Variants in EEFSEC observed in about 807,000 individuals in gnomAD.
EEFSEC encodes eukaryotic elongation factor, selenocysteine-tRNA specific, also known as selenocysteine-specific elongation factor.
In EEFSEC, 43 loss-of-function variants were observed where a neutral mutation model predicts 42.1. The ratio of observed to expected loss-of-function variants is 1.02; its 90% CI spans 0.80 to 1.32. EEFSEC has a LOEUF of 1.32. Among genes scored for constraint, EEFSEC ranks in the 40% most tolerant of loss-of-function variants. The pLI, the probability that EEFSEC is intolerant of heterozygous loss-of-function variation, is 0.00. For missense variants in EEFSEC, 745 were observed against 803.6 expected, an observed-to-expected ratio of 0.93 and a Z score of 0.88; for synonymous variants, 354 against 339.1, an observed-to-expected ratio of 1.04 and a Z score of -0.48.
At chr3:128,156,971 T>C (rs529535204) in intron 1 of EEFSEC, among the ~76,000 whole-genome samples, 1 of 152,348 alleles carries the variant, frequency 6.6e-6, no homozygotes, top group East Asian at 1.9e-4. Flanking sequence ...TGAGATAGGC[T>C]GAAAGCAAGG....
At chr3:128,222,624 C>G (rs1237612039) in intron 1 of EEFSEC, among the ~76,000 whole-genome samples, 2 of 152,192 alleles carry the variant, frequency 1.3e-5, no homozygotes, top group Admixed American at 1.3e-4. Context: ...TCTGTCTACT[C>G]TTGATGAATG....
intron 1 of EEFSEC, among the ~76,000 whole-genome samples, chr3:128,212,620 G>A (rs778342178): frequency 1.2e-4 from 19 of 152,188 alleles, no homozygotes; most frequent in Non-Finnish European, 2.2e-4. Flanking sequence ...GCCCTATGTC[G>A]ACATGGAGAA....
chr3:128,398,082 G>T (rs1342866483), intron 6 of EEFSEC, among the ~76,000 whole-genome samples: 4 of 152,258 alleles, frequency 2.6e-5, no homozygotes, highest in Non-Finnish European at 5.9e-5. Context: ...CCCATTGGCA[G>T]ATGAGGTGGG....
chr3:128,365,687 C>T (rs948323532), intron 6 of EEFSEC, among the ~76,000 whole-genome samples: 7 of 152,100 alleles, frequency 4.6e-5, no homozygotes, highest in African/African-American at 1.4e-4. Context: ...CACTGGGAAA[C>T]GATGCCTGTA....
At chr3:128,163,531 A>T (rs1313780829) in intron 1 of EEFSEC, among the ~76,000 whole-genome samples, 1 of 152,076 alleles carries the variant, frequency 6.6e-6, no homozygotes, top group Non-Finnish European at 1.5e-5. Flanking sequence ...ATTTTATGGT[A>T]TGTAAATTAC....
chr3:128,262,366 C>G (rs905795948), intron 3 of EEFSEC, 142 bp downstream of exon 3: 1 of 666,870 alleles, frequency 1.5e-6, no homozygotes, highest in South Asian at 1.9e-5. Context: ...TCCCTGTTAA[C>G]ACCTTAGCAC....
intron 4 of EEFSEC, among the ~76,000 whole-genome samples, chr3:128,297,073 A>G (rs1201158362): frequency 2.0e-5 from 3 of 152,148 alleles, no homozygotes; most frequent in Admixed American, 6.5e-5. Context: ...AGTTAGTAGC[A>G]TAGAGCTGGC....
chr3:128,306,541 C>T (rs908854396), intron 4 of EEFSEC, among the ~76,000 whole-genome samples: 2 of 151,980 alleles, frequency 1.3e-5, no homozygotes, highest in African/African-American at 2.4e-5. Context: ...TTACTTTTCA[C>T]CTTTCTGAGT....
intron 4 of EEFSEC, among the ~76,000 whole-genome samples, chr3:128,332,185 A>G (rs544089313): frequency 3.7e-4 from 56 of 152,326 alleles, no homozygotes; most frequent in Admixed American, 1.4e-3. Flanking sequence ...TGTGTATGGT[A>G]GTATATATAT....
chr3:128,282,350 GA>G (rs1443008323), intron 4 of EEFSEC, among the ~76,000 whole-genome samples: 1 of 152,244 alleles, frequency 6.6e-6, no homozygotes, highest in African/African-American at 2.4e-5. Context: ...GTGCACCATG[GA>G]TGTTTGGCTT....
intron 1 of EEFSEC, among the ~76,000 whole-genome samples, chr3:128,214,867 C>G (rs1378032206): frequency 1.3e-5 from 2 of 152,204 alleles, no homozygotes; most frequent in African/African-American, 4.8e-5. Context: ...CAGCTGCGAT[C>G]TGGTGTTCCT....
chr3:128,346,256 G>A (rs1375183212), intron 5 of EEFSEC, among the ~76,000 whole-genome samples: 2 of 152,158 alleles, frequency 1.3e-5, no homozygotes, highest in Non-Finnish European at 1.5e-5. Context: ...ATTTTCTCTG[G>A]ATTCTTCTTT....
chr3:128,264,865 G>A (rs1171353347), intron 4 of EEFSEC, 84 bp downstream of exon 4: 22 of 1,457,348 alleles, frequency 1.5e-5, no homozygotes, highest in Non-Finnish European at 1.9e-5. Context: ...CAGCTGCTGA[G>A]CCTGCTGCTG....
intron 4 of EEFSEC, among the ~76,000 whole-genome samples, chr3:128,327,297 C>CG (rs1172592963): frequency 3.3e-5 from 5 of 149,978 alleles, no homozygotes; most frequent in Non-Finnish European, 7.5e-5. Flanking sequence ...CCCATCCCCC[C>CG]CCCCCCAAGG....
intron 4 of EEFSEC, among the ~76,000 whole-genome samples, chr3:128,271,888 G>A (rs918567811): frequency 3.3e-5 from 5 of 152,116 alleles, no homozygotes; most frequent in Non-Finnish European, 2.9e-5. Flanking sequence ...TAAAGTGCAT[G>A]GCACGGAAGG....
chr3:128,246,946 G>A lies in EEFSEC; in HGVS notation c.427G>A (p.Val143Met), dbSNP rs368860399. Residue 143 changes from valine (V) to methionine (M), a missense_variant, in exon 2 of 7, where the codon GTG becomes ATG. Coordinates refer to ENST00000254730, the MANE Select transcript of EEFSEC (RefSeq NM_021937.5). ...IGQIACQKLV[V>M]VLNKIDLLPE... The stretch of plus-strand genomic sequence containing the variant: ...CCAGATTGCCTGCCAGAAGCTGGTC[G>A]TGGTGCTGAACAAAATAGACCTCTT... The A allele has an allele frequency of 5.3e-5, 86 of 1,614,074 alleles. No homozygotes were observed. In the Middle Eastern group the frequency reaches 4.3e-3, roughly 80 times the overall value.
At chr3:128,326,729 T>G (rs1001547917) in intron 4 of EEFSEC, among the ~76,000 whole-genome samples, 3 of 152,248 alleles carry the variant, frequency 2.0e-5, no homozygotes, top group Non-Finnish European at 4.4e-5. Flanking sequence ...CTATTACATT[T>G]AATTGACTAG....
At chr3:128,269,067 G>A (rs1401599491) in intron 4 of EEFSEC, among the ~76,000 whole-genome samples, 2 of 152,216 alleles carry the variant, frequency 1.3e-5, no homozygotes, top group African/African-American at 2.4e-5. Flanking sequence ...GGGGCAACAT[G>A]TCAGAACCAT....
intron 1 of EEFSEC, among the ~76,000 whole-genome samples, chr3:128,207,467 TG>T (rs2065709860): frequency 6.6e-6 from 1 of 151,888 alleles, no homozygotes; most frequent in Non-Finnish European, 1.5e-5. Flanking sequence ...CTTGGACTCT[TG>T]GGTCGCTAAG....
Sources: gnomAD v4.1 joint callset for allele counts (sites outside exome capture counted in the v4.1 genomes callset) on GRCh38, gnomAD v4.1.1 for gene constraint, MANE v1.5 for transcripts, NCBI Gene and HGNC (gene_info 2026-07-23, HGNC 2026-07-21) for gene names.